The following JAZF1 variants were observed in gnomAD, a reference collection of about 807,000 sequenced individuals.
JAZF1 encodes the protein juxtaposed with another zinc finger protein 1.
A neutral mutation model predicts 26.4 loss-of-function variants in JAZF1; 8 were observed. That is an observed-to-expected ratio of 0.30 (90% CI 0.18 to 0.55). JAZF1 has a LOEUF of 0.55. Among genes scored for constraint, JAZF1 ranks in the 20% least tolerant of loss-of-function variants. JAZF1 has a pLI of 0.94. For missense variants in JAZF1, 199 were observed against 322.0 expected (o/e 0.62, Z 2.92); for synonymous variants, 126 against 122.3 (o/e 1.03, Z -0.20).
intron 2 of JAZF1, among the ~76,000 whole-genome samples, chr7:27,944,526 A>AT (rs1784898609): frequency 1.3e-5 from 2 of 152,170 alleles, no homozygotes; most frequent in African/African-American, 4.8e-5. Flanking sequence ...TTGAGCAGCT[A>AT]TTATCTACTT....
At chr7:28,006,346 G>A (rs1391513024) in intron 1 of JAZF1, among the ~76,000 whole-genome samples, 1 of 151,970 alleles carries the variant, frequency 6.6e-6, no homozygotes, top group African/African-American at 2.4e-5. Context: ...TCCAGCCTGG[G>A]CAACAGAGCA....
chr7:27,915,392 T>C (rs1424148676), intron 2 of JAZF1, among the ~76,000 whole-genome samples: 1 of 152,208 alleles, frequency 6.6e-6, no homozygotes, highest in East Asian at 1.9e-4. Context: ...GGTCATTAAA[T>C]AGCAAACTAG....
intron 2 of JAZF1, among the ~76,000 whole-genome samples, chr7:27,982,557 T>A (rs1245360772): frequency 1.3e-5 from 2 of 152,176 alleles, no homozygotes; most frequent in South Asian, 2.1e-4. Context: ...CAGCAAAAAC[T>A]TCTGCAGACT....
At chr7:27,857,051 C>T (rs1000172960) in intron 3 of JAZF1, among the ~76,000 whole-genome samples, 2 of 152,266 alleles carry the variant, frequency 1.3e-5, no homozygotes, top group Non-Finnish European at 2.9e-5. Flanking sequence ...GCGCCGTGTG[C>T]CTGCACTCCT....
chr7:28,022,382 G>A (rs542940096), intron 1 of JAZF1, among the ~76,000 whole-genome samples: 6 of 152,114 alleles, frequency 3.9e-5, no homozygotes, highest in Admixed American at 6.5e-5. Context: ...TTTCCTGACC[G>A]TTCTAACAAA....
intron 2 of JAZF1, among the ~76,000 whole-genome samples, chr7:27,989,265 T>A (rs1364488431): frequency 6.6e-6 from 1 of 152,216 alleles, no homozygotes; most frequent in African/African-American, 2.4e-5. Flanking sequence ...GATCCCTTCC[T>A]TATACCTTAT....
At chr7:28,104,957 AACCATGTCTC>A (rs753446636) in intron 1 of JAZF1, among the ~76,000 whole-genome samples, 3 of 152,198 alleles carry the variant, frequency 2.0e-5, no homozygotes, top group Non-Finnish European at 4.4e-5. Flanking sequence ...CTCATGAAAC[AACCATGTCTC>A]ACCCGAGGTG....
chr7:28,111,717 G>C (rs1002100295), intron 1 of JAZF1, among the ~76,000 whole-genome samples: 2 of 152,214 alleles, frequency 1.3e-5, no homozygotes, highest in Non-Finnish European at 2.9e-5. Flanking sequence ...CTATGGATCA[G>C]AAAACCTAAT....
rs372318469 is a variant in JAZF1, at chr7:28,066,963, C to G, written c.116-74982G>C. Among the ~76,000 whole-genome samples the G allele has an allele frequency of 3.3e-5, 5 of 152,278 alleles. No individual in the cohort carries two copies. In the South Asian group the frequency reaches 1.0e-3, roughly 32 times the overall value. On this transcript the variant is annotated intron_variant, in intron 1 of 4. Coordinates refer to ENST00000283928, the MANE Select transcript of JAZF1 (RefSeq NM_175061.4). ...GCCAAGAAGAACTAGCAGGTACCTC[C>G]AGCATCTTGGCACAGGGCTGGTCCC...
rs28616265 is a variant in JAZF1, at chr7:27,909,006, C to A, written c.189-13590G>T. Among the ~76,000 whole-genome samples the A allele has an allele frequency of 4.7e-3, 601 of 129,014 alleles. 3 individuals carry two copies. The highest frequency in any genetic ancestry group is 0.019 in the African/African-American group (565 of 30,160). 84.6% of individuals were successfully genotyped at this position (129,014 alleles called of 152,430 possible). A position where few individuals can be genotyped will look rare whatever the true frequency, so the allele number is the denominator to read the frequency against. On this transcript the variant is annotated intron_variant, in intron 2 of 4. Coordinates refer to ENST00000283928, the MANE Select transcript of JAZF1 (RefSeq NM_175061.4). The stretch of plus-strand genomic sequence containing the variant: ...GGTAAGTACACACTTGAATAATATT[C>A]ATTCATTCATTCATTCATTCAGAGG...
intron 1 of JAZF1, among the ~76,000 whole-genome samples, chr7:28,124,321 G>A (rs970697794): frequency 6.6e-6 from 1 of 152,130 alleles, no homozygotes; most frequent in African/African-American, 2.4e-5. Context: ...CTTGCTCCTG[G>A]ACTTATAGTG....
chr7:27,877,654 C>G (rs1415645142), intron 3 of JAZF1, among the ~76,000 whole-genome samples: 1 of 152,216 alleles, frequency 6.6e-6, no homozygotes, highest in Non-Finnish European at 1.5e-5. Flanking sequence ...TCCCGAGTCT[C>G]ATATCCAAAT....
At chr7:28,058,739 C>T (rs769910604) in intron 1 of JAZF1, among the ~76,000 whole-genome samples, 2 of 152,176 alleles carry the variant, frequency 1.3e-5, no homozygotes, top group African/African-American at 4.8e-5. Flanking sequence ...CTGTGACTTA[C>T]GTGCATGCAT....
At chr7:28,073,848 G>A (rs1784012628) in intron 1 of JAZF1, among the ~76,000 whole-genome samples, 1 of 151,760 alleles carries the variant, frequency 6.6e-6, no homozygotes, top group African/African-American at 2.4e-5. Context: ...ATGGTCAAAG[G>A]GGTTGATAAG....
intron 3 of JAZF1, among the ~76,000 whole-genome samples, chr7:27,847,344 T>C (rs1250224037): frequency 6.6e-6 from 1 of 151,974 alleles, no homozygotes; most frequent in Non-Finnish European, 1.5e-5. Context: ...AGGTGTGATA[T>C]CCAAAAAATT....
chr7:27,862,289 A>G (rs1420571974), intron 3 of JAZF1, among the ~76,000 whole-genome samples: 1 of 152,148 alleles, frequency 6.6e-6, no homozygotes, highest in Non-Finnish European at 1.5e-5. Context: ...TTGGGGTACA[A>G]TTGATCCCAT....
intron 3 of JAZF1, among the ~76,000 whole-genome samples, chr7:27,890,627 T>C (rs964624546): frequency 6.6e-6 from 1 of 152,214 alleles, no homozygotes; most frequent in Non-Finnish European, 1.5e-5. Flanking sequence ...TAAGCCTCTA[T>C]TTCTTATCTG....
chr7:28,033,437 C>T (rs6961522), intron 1 of JAZF1, among the ~76,000 whole-genome samples: 4,611 of 152,128 alleles, frequency 0.03, 90 homozygotes, highest in South Asian at 0.082. Context: ...GCCTAGGGTA[C>T]GCTCGAGCTG....
Position 27,977,845 on chromosome 7 carries a change from C to G in JAZF1, c.188+14064G>C, listed in dbSNP as rs530057885. ...CTAGCTTACTCCATTGCAGTAAGGA[C>G]ATTGTCCTCAGACAGCGAGGGCCAG... On this transcript the variant is annotated intron_variant, in intron 2 of 4. Coordinates refer to ENST00000283928, the MANE Select transcript of JAZF1 (RefSeq NM_175061.4). Among the ~76,000 whole-genome samples the G allele has an allele frequency of 1.9e-4, 29 of 152,310 alleles. 1 individual carries two copies. The South Asian group carries it at 3.9e-3, about 21-fold the overall frequency.
Sources: allele counts gnomAD v4.1 joint callset (sites outside exome capture counted in the v4.1 genomes callset), GRCh38; gene constraint gnomAD v4.1.1; transcripts MANE v1.5; gene names NCBI Gene and HGNC (gene_info 2026-07-23, HGNC 2026-07-21).